Variants in EPM2A observed in about 807,000 individuals in gnomAD.
The protein encoded by EPM2A is EPM2A glucan phosphatase, laforin, also known as laforin.
EPM2A carries 21 observed loss-of-function variants against 26.5 expected under a neutral mutation model. The ratio of observed to expected loss-of-function variants is 0.79; its 90% CI spans 0.56 to 1.14. EPM2A has a LOEUF of 1.14. Ranked by LOEUF, EPM2A falls within the 50% of genes most tolerant of loss-of-function variation. The pLI is 0.00. For synonymous variants in EPM2A, 217 were observed against 177.6 expected (o/e 1.22, Z -1.76); for missense variants, 458 against 440.8 (o/e 1.04, Z -0.35).
rs1775767519 is a variant in EPM2A, at chr6:145,625,788, T to G, written c.*1628A>C. ...AGTTCTATCTCCCCGTCCTCTGAGCTCCACTGAAACTTACCTTGTATCCTT... is the reference window on the plus strand; with the variant it reads ...AGTTCTATCTCCCCGTCCTCTGAGCGCCACTGAAACTTACCTTGTATCCTT... On this transcript the variant is annotated 3_prime_UTR_variant, in exon 4 of 4. Transcript: ENST00000367519. The G allele has an allele frequency of 7.0e-7, 1 of 1,435,430 alleles. No individual in the cohort carries two copies. The highest frequency in any genetic ancestry group is 1.2e-5 in the South Asian group (1 of 83,376). The allele number at this position is 1,435,430 out of a possible 1,614,324, so 88.9% of individuals were successfully genotyped here.
chr6:145,657,746 C>T (rs938225355), intron 2 of EPM2A, among the ~76,000 whole-genome samples: 2 of 152,202 alleles, frequency 1.3e-5, no homozygotes, highest in Non-Finnish European at 2.9e-5. Context: ...CAGCAGCCTA[C>T]TGTTAAGATT....
Position 145,657,421 on chromosome 6 carries a change from T to C in EPM2A, c.477-21935A>G, listed in dbSNP as rs368865775. 2.9e-4 allele frequency among the ~76,000 whole-genome samples: 44 copies of C among 152,318 alleles called. 1 individual carries two copies. Among genetic ancestry groups the C allele is most frequent in the African/African-American group, 9.1e-4 (38 of 41,578 alleles). Reference sequence around the variant, plus strand: ...ATTTTTTATTTGAAAAATTTAATCCTTCTGATTATTTTTCCAGGCATGCAT... The same window carrying C: ...ATTTTTTATTTGAAAAATTTAATCCCTCTGATTATTTTTCCAGGCATGCAT... On this transcript the variant is annotated intron_variant, in intron 2 of 3. Coordinates refer to ENST00000367519, the MANE Select transcript of EPM2A (RefSeq NM_005670.4).
intron 4 of EPM2A, among the ~76,000 whole-genome samples, chr6:145,434,269 T>C (rs956922194): frequency 4.6e-5 from 7 of 151,210 alleles, no homozygotes; most frequent in Admixed American, 6.6e-5. Context: ...TCTCTCTCTT[T>C]TTTTTTTTTT....
At chr6:145,511,431 G>T (rs1780053605) in intron 2 of EPM2A, among the ~76,000 whole-genome samples, 1 of 152,046 alleles carries the variant, frequency 6.6e-6, no homozygotes, top group African/African-American at 2.4e-5. Flanking sequence ...TTATTCCTGG[G>T]GTGCAAGGAT....
Position 145,728,477 on chromosome 6 carries a change from T to G in EPM2A, c.301+6721A>C, listed in dbSNP as rs903247987. On this transcript the variant is annotated intron_variant, in intron 1 of 3. Coordinates refer to ENST00000367519, the MANE Select transcript of EPM2A (RefSeq NM_005670.4). ...TACTGGGAACTACAGTAGTCACTCATGTTGTGCTTTAGCAAAGAGACTGGC... is the reference window on the plus strand; with the variant it reads ...TACTGGGAACTACAGTAGTCACTCAGGTTGTGCTTTAGCAAAGAGACTGGC... Among the ~76,000 whole-genome samples, 4 of 152,300 alleles carry G rather than the reference T, an allele frequency of 2.6e-5. 1 individual carries two copies. The South Asian group carries it at 8.3e-4, about 32-fold the overall frequency.
At chr6:145,658,116 C>T (rs1276760775) in intron 2 of EPM2A, among the ~76,000 whole-genome samples, 2 of 152,192 alleles carry the variant, frequency 1.3e-5, no homozygotes, top group Non-Finnish European at 2.9e-5. Context: ...CAGCCCAAGA[C>T]AATATCTTTA....
chr6:145,631,135 G>A (rs559699122), intron 3 of EPM2A: 1 of 151,926 alleles, frequency 6.6e-6, no homozygotes, highest in East Asian at 2.0e-4. Context: ...CACCCTAGAG[G>A]AGCCCTCTCA....
At chr6:145,430,474 G>A (rs776601075) in intron 4 of EPM2A, among the ~76,000 whole-genome samples, 22 of 151,576 alleles carry the variant, frequency 1.5e-4, no homozygotes, top group Non-Finnish European at 2.8e-4. Flanking sequence ...GGTGGTGGGC[G>A]CCTGTATTTC....
intron 2 of EPM2A, among the ~76,000 whole-genome samples, chr6:145,587,967 C>T (rs372433430): frequency 2.6e-5 from 4 of 152,084 alleles, no homozygotes; most frequent in African/African-American, 7.2e-5. Flanking sequence ...TATGCATGTA[C>T]GAATCAGACA....
intron 2 of EPM2A, chr6:145,680,075 T>C (rs974442803): frequency 1.3e-5 from 2 of 152,098 alleles, no homozygotes; most frequent in African/African-American, 2.4e-5. Context: ...ATATTATTTA[T>C]CATTTACCTG....
At chr6:145,510,745 C>T (rs1375009171) in intron 2 of EPM2A, among the ~76,000 whole-genome samples, 1 of 151,840 alleles carries the variant, frequency 6.6e-6, no homozygotes, top group Non-Finnish European at 1.5e-5. Flanking sequence ...GCTAGCAGAA[C>T]AGAAACAACT....
intron 2 of EPM2A, among the ~76,000 whole-genome samples, chr6:145,665,680 C>A (rs1779122147): frequency 6.9e-6 from 1 of 144,186 alleles, no homozygotes; most frequent in African/African-American, 2.6e-5. Flanking sequence ...CAGCATCATT[C>A]TGATACCAAA....
At chr6:145,517,741 A>G (rs1780148782) in intron 2 of EPM2A, among the ~76,000 whole-genome samples, 1 of 152,208 alleles carries the variant, frequency 6.6e-6, no homozygotes, top group South Asian at 2.1e-4. Context: ...CCCAGGAGCC[A>G]GGCAGGCACT....
intron 2 of EPM2A, chr6:145,640,291 G>A (rs1042377388): frequency 4.6e-5 from 7 of 152,148 alleles, no homozygotes; most frequent in Admixed American, 2.6e-4. Flanking sequence ...TCCATTCAAT[G>A]GACTTCACAT....
Position 145,637,635 on chromosome 6 carries a change from C to T in EPM2A, c.477-2149G>A, listed in dbSNP as rs569812766. 2.6e-5 allele frequency: 4 copies of T among 152,326 alleles called. No homozygotes were observed. The South Asian group carries it at 6.2e-4, about 24-fold the overall frequency. 9.4% of individuals were successfully genotyped at this position (152,326 alleles called of 1,614,324 possible). ...AGAGAGGCATGAAATCCAAGGCCTTCATCTTATCCCTGGATCCAGATAATT... is the reference window on the plus strand; with the variant it reads ...AGAGAGGCATGAAATCCAAGGCCTTTATCTTATCCCTGGATCCAGATAATT... On this transcript the variant is annotated intron_variant, in intron 2 of 3. Transcript: ENST00000367519.
intron 2 of EPM2A, among the ~76,000 whole-genome samples, chr6:145,673,497 G>A (rs994836394): frequency 1.3e-5 from 2 of 152,196 alleles, no homozygotes; most frequent in African/African-American, 4.8e-5. Context: ...AAGTGCAAGG[G>A]GTAGGGGGAT....
intron 2 of EPM2A, among the ~76,000 whole-genome samples, chr6:145,610,072 G>A (rs1396839205): frequency 2.6e-5 from 4 of 152,024 alleles, no homozygotes; most frequent in Non-Finnish European, 5.9e-5. Flanking sequence ...AAAATTAGCG[G>A]GGCCTGGTGG....
intron 2 of EPM2A, among the ~76,000 whole-genome samples, chr6:145,512,214 A>T (rs1303906140): frequency 2.0e-5 from 3 of 152,172 alleles, no homozygotes; most frequent in Non-Finnish European, 4.4e-5. Flanking sequence ...CTGTCAAATT[A>T]CCAATCTCAT....
chr6:145,539,917 C>G (rs1251971462), intron 2 of EPM2A, among the ~76,000 whole-genome samples: 5 of 152,170 alleles, frequency 3.3e-5, no homozygotes. Context: ...GGGCCACTAT[C>G]CACCCACCTT....
Sources: gnomAD v4.1 joint callset for allele counts (sites outside exome capture counted in the v4.1 genomes callset) on GRCh38, gnomAD v4.1.1 for gene constraint, MANE v1.5 for transcripts, NCBI Gene and HGNC (gene_info 2026-07-23, HGNC 2026-07-21) for gene names.